Variants in SIX6 observed in about 807,000 individuals in gnomAD.
The protein encoded by SIX6 is homeobox protein SIX6.
In SIX6, 14 loss-of-function variants were observed where a neutral mutation model predicts 23.6. The ratio of observed to expected loss-of-function variants is 0.59; its 90% CI spans 0.39 to 0.93. The LOEUF is 0.93. SIX6 is among the 40% of genes least tolerant of loss of function. The pLI, the probability that SIX6 is intolerant of heterozygous loss-of-function variation, is 0.00. For synonymous variants in SIX6, 128 were observed against 144.9 expected, an observed-to-expected ratio of 0.88 and a Z score of 0.84; for missense variants, 307 against 325.6, an observed-to-expected ratio of 0.94 and a Z score of 0.44.
In SIX6 at chr14:60,511,262, C is replaced by T. The variant is rs774336797; in HGVS notation, c.*10C>T. ...CGAGTGCGACATCTGAGTTGCCCATCCAGGATGCTCAGAAGCAGATTCCAG... is the reference window on the plus strand; with the variant it reads ...CGAGTGCGACATCTGAGTTGCCCATTCAGGATGCTCAGAAGCAGATTCCAG... On this transcript the variant is annotated 3_prime_UTR_variant, in exon 2 of 2. Coordinates refer to ENST00000327720, the MANE Select transcript of SIX6 (RefSeq NM_007374.3). 14 of 1,612,932 alleles carry T rather than the reference C, an allele frequency of 8.7e-6. No individual in the cohort carries two copies. The highest frequency in any genetic ancestry group is 1.3e-5 in the African/African-American group (1 of 75,038).
chr14:60,509,722 A>C lies in SIX6; in HGVS notation c.324A>C (p.Gly108=). The C allele has an allele frequency of 6.2e-7, 1 of 1,614,118 alleles. No homozygotes were observed. The highest frequency in any genetic ancestry group is 8.5e-7 in the Non-Finnish European group (1 of 1,179,990). The change falls in exon 1 of 2, where the codon GGA becomes GGC. Residue 108 remains glycine (G), a synonymous_variant. Transcript: ENST00000327720. Reference sequence around the variant, plus strand: ...AGAAGCTGCGTGGAAGACCCCTGGGACCTGTGGACAAGTACCGAGTAAGGA... The same window carrying C: ...AGAAGCTGCGTGGAAGACCCCTGGGCCCTGTGGACAAGTACCGAGTAAGGA... The part of the protein sequence containing the change: ...EAEKLRGRPL[G]PVDKYRVRKK...
intron 1 of SIX6, among the ~76,000 whole-genome samples, chr14:60,510,530 T>C (rs1302784491): frequency 6.6e-6 from 1 of 152,212 alleles, no homozygotes; most frequent in Non-Finnish European, 1.5e-5. Flanking sequence ...GCCGAGGCTT[T>C]TCGTTTCCCG....
rs1387120584 is a variant in SIX6, at chr14:60,512,526, G to A, written c.*1274G>A. ...GGGATACTGAGATGGGGGAAAGGATGTAATCATGTCACATACTGAGGGTAA... is the reference window on the plus strand; with the variant it reads ...GGGATACTGAGATGGGGGAAAGGATATAATCATGTCACATACTGAGGGTAA... On this transcript the variant is annotated 3_prime_UTR_variant, in exon 2 of 2. Coordinates refer to ENST00000327720, the MANE Select transcript of SIX6 (RefSeq NM_007374.3). 6.6e-6 allele frequency: 1 copy of A among 152,182 alleles called. No individual in the cohort carries two copies. The highest frequency in any genetic ancestry group is 1.5e-5 in the Non-Finnish European group (1 of 68,034). The allele number at this position is 152,182 out of a possible 1,614,324, so 9.4% of individuals were successfully genotyped here.
At position 60,509,289 on chromosome 14, in the gene SIX6, C is replaced by A; in HGVS notation, c.-110C>A. 2.1e-6 allele frequency: 2 copies of A among 953,976 alleles called. No individual in the cohort carries two copies. Among genetic ancestry groups the A allele is most frequent in the Non-Finnish European group, 3.3e-6 (2 of 603,772 alleles). 59.1% of individuals were successfully genotyped at this position (953,976 alleles called of 1,614,324 possible). On this transcript the variant is annotated 5_prime_UTR_variant, in exon 1 of 2. Transcript: ENST00000327720. Reference sequence around the variant, plus strand: ...CGCCACCCGGTAGTGTGTCCCGCTGCCCCAATCCGCCTCATCAACAAGCGC... The same window carrying A: ...CGCCACCCGGTAGTGTGTCCCGCTGACCCAATCCGCCTCATCAACAAGCGC...
chr14:60,511,076 C>T lies in SIX6; in HGVS notation c.573-8C>T, dbSNP rs375282881. ...AGCTGTGACCCGTGTTCCCTTTCTT[C>T]CCCGTAGACTCCAGCAGCAGGTCCT... On this transcript the variant is annotated splice_region_variant and splice_polypyrimidine_tract_variant and intron_variant, in intron 1 of 1. Coordinates refer to ENST00000327720, the MANE Select transcript of SIX6 (RefSeq NM_007374.3). The T allele has an allele frequency of 3.7e-6, 6 of 1,612,346 alleles. No individual in the cohort carries two copies. The highest frequency in any genetic ancestry group is 1.7e-4 in the Middle Eastern group (1 of 5,990).
rs1380615738 is a variant in SIX6 at position 60,509,189 on chromosome 14, G to GAGCCC, written c.-209_-205dup. 8 of 590,320 alleles carry GAGCCC rather than the reference G, an allele frequency of 1.4e-5. No individual in the cohort carries two copies. Among genetic ancestry groups the GAGCCC allele is most frequent in the Non-Finnish European group, 2.4e-5 (8 of 331,888 alleles). 36.6% of individuals were successfully genotyped at this position (590,320 alleles called of 1,614,324 possible). ...CCTGCCGGCGTGCCTGAGCCGAGCC[G>GAGCCC]AGCCCGAACCCCAAGCCGCGGAGCC... On this transcript the variant is annotated 5_prime_UTR_variant, in exon 1 of 2. Coordinates refer to ENST00000327720, the MANE Select transcript of SIX6 (RefSeq NM_007374.3).
At position 60,509,834 on chromosome 14, in the gene SIX6, T is replaced by C; in HGVS notation, c.436T>C (p.Trp146Arg). 6.2e-7 allele frequency: 1 copy of C among 1,613,746 alleles called. No individual in the cohort carries two copies. The highest frequency in any genetic ancestry group is 1.3e-5 in the African/African-American group (1 of 74,970). The change falls in exon 1 of 2, where the codon TGG becomes CGG. Residue 146 changes from tryptophan to arginine, a missense_variant. Trp to Arg is a moderately radical substitution (Grantham distance 101). Transcript: ENST00000327720. The part of the protein sequence containing the change: ...KERTRHLLRE[W>R]YLQDPYPNPS... ...GCGCACGCGGCACCTGCTACGCGAG[T>C]GGTACCTGCAGGATCCATACCCTAA...
Position 60,509,168 on chromosome 14 carries a change from C to T in SIX6, c.-231C>T. ...CCCAATAGCGGAGCCAGCTCGCCTGCCGGCGTGCCTGAGCCGAGCCGAGCC... is the reference window on the plus strand; with the variant it reads ...CCCAATAGCGGAGCCAGCTCGCCTGTCGGCGTGCCTGAGCCGAGCCGAGCC... On this transcript the variant is annotated 5_prime_UTR_variant, in exon 1 of 2. Coordinates refer to ENST00000327720, the MANE Select transcript of SIX6 (RefSeq NM_007374.3). 1.8e-6 allele frequency: 1 copy of T among 564,078 alleles called. No homozygotes were observed. Among genetic ancestry groups the T allele is most frequent in the Non-Finnish European group, 3.2e-6 (1 of 316,914 alleles). 34.9% of individuals were successfully genotyped at this position (564,078 alleles called of 1,614,324 possible).
chr14:60,510,277 G>A (rs1387461475), intron 1 of SIX6, among the ~76,000 whole-genome samples: 1 of 152,198 alleles, frequency 6.6e-6, no homozygotes, highest in Non-Finnish European at 1.5e-5. Context: ...CAAACAGTTA[G>A]GGACCCCAAG....
chr14:60,510,040 C>A, intron 1 of SIX6, 70 bp downstream of exon 1: 1 of 1,359,302 alleles, frequency 7.4e-7, no homozygotes, highest in Non-Finnish European at 1.0e-6. Context: ...CTCTGGCGCC[C>A]TTACCCAGTC....
chr14:60,509,505 C>A lies in SIX6; in HGVS notation c.107C>A (p.Ser36Ter). 1 of 1,604,480 alleles carries A rather than the reference C, an allele frequency of 6.2e-7. No homozygotes were observed. Among genetic ancestry groups the A allele is most frequent in the South Asian group, 1.1e-5 (1 of 91,058 alleles). Residue 36 changes from serine to a stop codon, truncating the protein, a stop_gained, in exon 1 of 2, where the codon TCG becomes TAG. Coordinates refer to ENST00000327720, the MANE Select transcript of SIX6 (RefSeq NM_007374.3). LOFTEE classifies it high-confidence loss of function. The part of the protein sequence containing the change: ...DVERLGRFLW[S>*]LPVAPAACEA... ...GAGCGCCTGGGTCGCTTCCTCTGGT[C>A]GCTGCCCGTGGCCCCTGCGGCCTGC...
chr14:60,509,474 G>T lies in SIX6; in HGVS notation c.76G>T (p.Asp26Tyr), dbSNP rs753530432. 1.9e-6 allele frequency: 3 copies of T among 1,601,056 alleles called. No homozygotes were observed. The highest frequency in any genetic ancestry group is 2.5e-6 in the Non-Finnish European group (3 of 1,179,958). ...ATGTGAGACCCTGGAAGAGAGCGGCGATGTGGAGCGCCTGGGTCGCTTCCT... is the reference window on the plus strand; with the variant it reads ...ATGTGAGACCCTGGAAGAGAGCGGCTATGTGGAGCGCCTGGGTCGCTTCCT... ...GVCETLEESG[D>Y]VERLGRFLWS... The change falls in exon 1 of 2, where the codon GAT (aspartate) becomes TAT (tyrosine). Residue 26 changes from aspartate (D) to tyrosine (Y), a missense_variant. By Grantham distance (160) the Asp-to-Tyr change is radical. Transcript: ENST00000327720.
rs1265442073 is a variant in SIX6 at position 60,512,837 on chromosome 14, C to T, written c.*1585C>T. On this transcript the variant is annotated 3_prime_UTR_variant, in exon 2 of 2. Transcript: ENST00000327720. ...ACAGATTGCATATTATAAAATTTGA[C>T]ATTGATCTTTAAATCACTTGAGCTG... is the stretch of plus-strand genomic sequence containing the variant. 6.6e-6 allele frequency: 1 copy of T among 152,206 alleles called. No homozygotes were observed. The highest frequency in any genetic ancestry group is 1.5e-5 in the Non-Finnish European group (1 of 68,048). 9.4% of individuals were successfully genotyped at this position (152,206 alleles called of 1,614,324 possible). A position where few individuals can be genotyped will look rare whatever the true frequency, so the allele number is the denominator to read the frequency against.
In SIX6 at chr14:60,509,990, C is replaced by T. The variant is rs764473643; in HGVS notation, c.572+20C>T. On this transcript the variant is annotated intron_variant, in intron 1 of 1. Coordinates refer to ENST00000327720, the MANE Select transcript of SIX6 (RefSeq NM_007374.3). ...GAACAGGTCGGTACCTAGAGGCCTC[C>T]GCGCTTTGAGCGCACCGGGGAGGAG... 1.9e-6 allele frequency: 3 copies of T among 1,580,432 alleles called. No homozygotes were observed. The highest frequency in any genetic ancestry group is 2.3e-5 in the East Asian group (1 of 42,556).
chr14:60,509,566 A>G lies in SIX6; in HGVS notation c.168A>G (p.Ala56=), dbSNP rs745636199. 16 of 1,612,310 alleles carry G rather than the reference A, an allele frequency of 9.9e-6. No homozygotes were observed. The South Asian group carries it at 1.5e-4, about 15-fold the overall frequency. ...ACAAGAATGAGTCGGTGCTACGCGC[A>G]CGAGCCATCGTGGCCTTTCACGGTG... is the stretch of plus-strand genomic sequence containing the variant. ...ALNKNESVLR[A]RAIVAFHGGN... Residue 56 remains alanine, a synonymous_variant, in exon 1 of 2, where the codon GCA becomes GCG. Coordinates refer to ENST00000327720, the MANE Select transcript of SIX6 (RefSeq NM_007374.3).
intron 1 of SIX6, 88 bp downstream of exon 1, chr14:60,510,058 A>T (rs1893267542): frequency 8.4e-7 from 1 of 1,185,078 alleles, no homozygotes. Context: ...GTCCCTGGCG[A>T]CTCCAATTCA....
rs1893296509 is a variant in SIX6, at chr14:60,511,669, CTTAT to C, written c.*421_*424del. On this transcript the variant is annotated 3_prime_UTR_variant, in exon 2 of 2. Coordinates refer to ENST00000327720, the MANE Select transcript of SIX6 (RefSeq NM_007374.3). ...AAAACATATATATGCTGTTTATTTACTTATTTAAGAGACCGCCATGGTAGGTTTC... is the reference window on the plus strand; with the variant it reads ...AAAACATATATATGCTGTTTATTTACTTAAGAGACCGCCATGGTAGGTTTC... The C allele has an allele frequency of 3.5e-6, 1 of 284,316 alleles. No homozygotes were observed. The highest frequency in any genetic ancestry group is 6.8e-6 in the Non-Finnish European group (1 of 146,994). The allele number at this position is 284,316 out of a possible 1,614,324, so 17.6% of individuals were successfully genotyped here.
Position 60,511,439 on chromosome 14 carries a change from T to C in SIX6, c.*187T>C. 8.7e-6 allele frequency: 6 copies of C among 688,612 alleles called. No homozygotes were observed. The highest frequency in any genetic ancestry group is 1.5e-5 in the Non-Finnish European group (6 of 390,086). The allele number at this position is 688,612 out of a possible 1,614,324, so 42.7% of individuals were successfully genotyped here. On this transcript the variant is annotated 3_prime_UTR_variant, in exon 2 of 2. Transcript: ENST00000327720. ...CCGGCCTGGCTTCACTGGCGCCCTT[T>C]GGCCGCGACCACGGGAACCAGCGGT...
rs1893297858 is a variant in SIX6 at position 60,511,765 on chromosome 14, A to C, written c.*513A>C. The C allele has an allele frequency of 5.8e-6, 1 of 171,296 alleles. No homozygotes were observed. Among genetic ancestry groups the C allele is most frequent in the African/African-American group, 2.4e-5 (1 of 41,720 alleles). The allele number at this position is 171,296 out of a possible 1,614,324, so 10.6% of individuals were successfully genotyped here. ...GGTGGTGATGGGTTCTGTGTGGAGA[A>C]GCCAAACAATAAAACAACCTAGTGG... On this transcript the variant is annotated 3_prime_UTR_variant, in exon 2 of 2. Coordinates refer to ENST00000327720, the MANE Select transcript of SIX6 (RefSeq NM_007374.3).
Sources: gnomAD v4.1 joint callset for allele counts (sites outside exome capture counted in the v4.1 genomes callset) on GRCh38, gnomAD v4.1.1 for gene constraint, MANE v1.5 for transcripts, NCBI Gene and HGNC (gene_info 2026-07-23, HGNC 2026-07-21) for gene names.